LRRC63: variants seen among roughly 807,000 people sequenced by gnomAD.
The protein encoded by LRRC63 is leucine rich repeat containing 63, also known as leucine-rich repeat-containing protein 63.
In LRRC63, 40 loss-of-function variants were observed where a neutral mutation model predicts 49.5. The ratio of observed to expected loss-of-function variants is 0.81; its 90% CI spans 0.63 to 1.05. The LOEUF (loss-of-function observed/expected upper bound fraction) is 1.05, where lower values mean the gene tolerates loss of function less well. LRRC63 is among the 50% of genes least tolerant of loss of function. The pLI is 0.00. For missense variants in LRRC63, 636 were observed against 663.1 expected, an observed-to-expected ratio of 0.96 and a Z score of 0.45; for synonymous variants, 191 against 221.1, an observed-to-expected ratio of 0.86 and a Z score of 1.21.
chr13:46,262,388 G>A (rs183559090), intron 8 of LRRC63, among the ~76,000 whole-genome samples: 27 of 152,186 alleles, frequency 1.8e-4, no homozygotes, highest in Admixed American at 9.2e-4. Context: ...GTTTATCTAT[G>A]TCCTTCTAGG....
chr13:46,254,348 C>T (rs147171620), intron 7 of LRRC63, among the ~76,000 whole-genome samples: 2,331 of 151,932 alleles, frequency 0.015, 32 homozygotes, highest in Non-Finnish European at 0.021. Context: ...TGGAAAGAAA[C>T]CAATAGGGAA....
In LRRC63 at chr13:46,268,699, C is replaced by T. The variant is rs1441883541; in HGVS notation, c.1550+1727C>T. Reference sequence around the variant, plus strand: ...AGAATTTACTCACAATAAATTTTCACCAAAGGAAGTTGCAAAGGATGTACA... The same window carrying T: ...AGAATTTACTCACAATAAATTTTCATCAAAGGAAGTTGCAAAGGATGTACA... On this transcript the variant is annotated intron_variant, in intron 9 of 9. Transcript: ENST00000595396. Among the ~76,000 whole-genome samples, 3 of 151,414 alleles carry T rather than the reference C, an allele frequency of 2.0e-5. 1 individual carries two copies. The highest frequency in any genetic ancestry group is 7.3e-5 in the African/African-American group (3 of 40,902).
At chr13:46,246,678 T>A in intron 6 of LRRC63, 53 bp downstream of exon 6, 1 of 814,344 alleles carries the variant, frequency 1.2e-6, no homozygotes, top group Non-Finnish European at 1.7e-6. Flanking sequence ...GAATAATAAT[T>A]ATAATAAAAA....
At chr13:46,215,026 G>T (rs2046208554) in intron 2 of LRRC63, among the ~76,000 whole-genome samples, 1 of 152,102 alleles carries the variant, frequency 6.6e-6, no homozygotes, top group Non-Finnish European at 1.5e-5. Flanking sequence ...CAGGCATTTG[G>T]GTTGGTTCCA....
intron 8 of LRRC63, among the ~76,000 whole-genome samples, 160 bp downstream of exon 8, chr13:46,262,152 G>A (rs1251944609): frequency 6.6e-6 from 1 of 150,920 alleles, no homozygotes; most frequent in Admixed American, 6.6e-5. Flanking sequence ...TTGGTGTACA[G>A]TATTTTTAAG....
intron 2 of LRRC63, among the ~76,000 whole-genome samples, chr13:46,221,225 A>G (rs1022692091): frequency 1.3e-5 from 2 of 152,230 alleles, no homozygotes; most frequent in Non-Finnish European, 2.9e-5. Context: ...ATAGGGTTTA[A>G]GGTAGACTTT....
chr13:46,264,496 A>C (rs1009403435), intron 8 of LRRC63, among the ~76,000 whole-genome samples: 2 of 151,870 alleles, frequency 1.3e-5, no homozygotes, highest in African/African-American at 4.8e-5. Context: ...TCTAATTTGG[A>C]TCCCCATGAA....
intron 4 of LRRC63, 25 bp downstream of exon 4, chr13:46,228,758 T>C (rs1336658716): frequency 2.1e-6 from 3 of 1,424,052 alleles, no homozygotes; most frequent in Non-Finnish European, 2.9e-6. Flanking sequence ...TATACAATTC[T>C]TTTAGAAAAT....
chr13:46,230,884 C>G (rs141006965), intron 4 of LRRC63, among the ~76,000 whole-genome samples: 1,989 of 152,306 alleles, frequency 0.013, 46 homozygotes, highest in African/African-American at 0.045. Context: ...ATCTTGAATG[C>G]TTTGCTGCTT....
intron 2 of LRRC63, among the ~76,000 whole-genome samples, chr13:46,220,544 G>A (rs918423388): frequency 6.6e-6 from 1 of 152,106 alleles, no homozygotes; most frequent in Admixed American, 6.5e-5. Flanking sequence ...CAGCTCCATG[G>A]GGGTGGGATC....
chr13:46,248,503 T>C (rs2047281852), intron 6 of LRRC63, among the ~76,000 whole-genome samples: 1 of 151,888 alleles, frequency 6.6e-6, no homozygotes, highest in South Asian at 2.1e-4. Context: ...GAGACTATAC[T>C]AATATCAGAC....
chr13:46,219,751 G>C (rs1048354427), intron 2 of LRRC63, among the ~76,000 whole-genome samples: 4 of 152,152 alleles, frequency 2.6e-5, no homozygotes, highest in African/African-American at 9.7e-5. Flanking sequence ...TCTACCTTTG[G>C]TCTTTGATGT....
intron 4 of LRRC63, among the ~76,000 whole-genome samples, chr13:46,229,320 TATTA>T (rs2046674968): frequency 6.6e-6 from 1 of 152,222 alleles, no homozygotes; most frequent in African/African-American, 2.4e-5. Flanking sequence ...CAAAATCAAC[TATTA>T]AAGCTGCCAA....
intron 5 of LRRC63, among the ~76,000 whole-genome samples, chr13:46,240,821 A>C (rs1483819636): frequency 6.6e-6 from 1 of 152,222 alleles, no homozygotes; most frequent in Non-Finnish European, 1.5e-5. Context: ...CACAAAGTTC[A>C]AAGGAATCAG....
intron 2 of LRRC63, among the ~76,000 whole-genome samples, chr13:46,214,553 T>C (rs2046191281): frequency 6.6e-6 from 1 of 152,168 alleles, no homozygotes; most frequent in African/African-American, 2.4e-5. Context: ...GGTTCCTTTT[T>C]TTTGGTGGGG....
intron 2 of LRRC63, among the ~76,000 whole-genome samples, chr13:46,214,386 T>C (rs2046184861): frequency 6.6e-6 from 1 of 152,240 alleles, no homozygotes; most frequent in Non-Finnish European, 1.5e-5. Flanking sequence ...TTCTATAATG[T>C]TCTGCATTTA....
intron 8 of LRRC63, among the ~76,000 whole-genome samples, chr13:46,265,052 C>T (rs2047665017): frequency 6.6e-6 from 1 of 151,958 alleles, no homozygotes; most frequent in Non-Finnish European, 1.5e-5. Context: ...CCCAGCTACT[C>T]GTGAGACTGA....
intron 2 of LRRC63, 79 bp downstream of exon 2, chr13:46,213,198 C>T: frequency 1.1e-6 from 1 of 902,762 alleles, no homozygotes; most frequent in South Asian, 1.7e-5. Flanking sequence ...AGCTCAGAAT[C>T]ACAATAAATA....
intron 2 of LRRC63, among the ~76,000 whole-genome samples, chr13:46,217,857 G>T (rs1038058997): frequency 6.6e-6 from 1 of 152,074 alleles, no homozygotes; most frequent in Non-Finnish European, 1.5e-5. Flanking sequence ...CCTGAATTTC[G>T]TTATTTACCC....
Sources: gnomAD v4.1 joint callset for allele counts (sites outside exome capture counted in the v4.1 genomes callset) on GRCh38, gnomAD v4.1.1 for gene constraint, MANE v1.5 for transcripts, NCBI Gene and HGNC (gene_info 2026-07-23, HGNC 2026-07-21) for gene names.